The following MAPRE2 variants were observed in gnomAD, a reference collection of about 807,000 sequenced individuals.
MAPRE2 encodes microtubule associated protein RP/EB family member 2.
Under a neutral mutation model 43.2 loss-of-function variants are expected in MAPRE2, and 13 were observed. The ratio of observed to expected loss-of-function variants is 0.30; its 90% CI spans 0.20 to 0.48. The LOEUF (loss-of-function observed/expected upper bound fraction) is 0.48. MAPRE2 is among the 20% of genes least tolerant of loss of function. The pLI, the probability that MAPRE2 is intolerant of heterozygous loss-of-function variation, is 0.99. For synonymous variants in MAPRE2, 135 were observed against 148.8 expected, an observed-to-expected ratio of 0.91 and a Z score of 0.68; for missense variants, 161 against 400.2, an observed-to-expected ratio of 0.40 and a Z score of 5.10.
At chr18:34,985,569 AATAT>A (rs2097020318) in intron 1 of MAPRE2, among the ~76,000 whole-genome samples, 1 of 73,344 alleles carries the variant, frequency 1.4e-5, no homozygotes, top group Non-Finnish European at 2.5e-5. Flanking sequence ...TTATAAATAT[AATAT>A]ATAAACTATA....
At chr18:35,139,246 G>C (rs1457370930) in intron 6 of MAPRE2, among the ~76,000 whole-genome samples, 3 of 152,188 alleles carry the variant, frequency 2.0e-5, no homozygotes, top group Non-Finnish European at 4.4e-5. Flanking sequence ...GGGAGCCAGC[G>C]TGCCAGGTGT....
chr18:35,114,168 T>A (rs1909305022), intron 4 of MAPRE2, among the ~76,000 whole-genome samples: 1 of 152,158 alleles, frequency 6.6e-6, no homozygotes, highest in Non-Finnish European at 1.5e-5. Context: ...TTATATTGCG[T>A]CTCTCATATG....
chr18:35,027,764 T>C (rs1478898895), intron 2 of MAPRE2, among the ~76,000 whole-genome samples: 2 of 152,354 alleles, frequency 1.3e-5, no homozygotes, highest in African/African-American at 4.8e-5. Flanking sequence ...CATTATGGTT[T>C]TGTGGACCAG....
At position 35,100,991 on chromosome 18, in the gene MAPRE2, A is replaced by G. The variant is rs554883104; in HGVS notation, c.397-955A>G. ...GAGGCGGAGGTTGCAGTCAGCCGAG[A>G]TCGTGCCATTGCACTCCATCCTGGG... On this transcript the variant is annotated intron_variant, in intron 3 of 6. Coordinates refer to ENST00000300249, the MANE Select transcript of MAPRE2 (RefSeq NM_014268.4). Among the ~76,000 whole-genome samples the G allele has an allele frequency of 9.6e-4, 146 of 152,350 alleles. 1 individual carries two copies. The highest frequency in any genetic ancestry group is 3.0e-3 in the African/African-American group (123 of 41,586).
rs777649319 is a variant in MAPRE2 at position 35,082,289 on chromosome 18, C to CAAAAAAAAAAAAAAA, written c.250+11976_250+11990dup. On this transcript the variant is annotated intron_variant, in intron 2 of 6. Coordinates refer to ENST00000300249, the MANE Select transcript of MAPRE2 (RefSeq NM_014268.4). ...TGGGCGACAGAGCGAGACTCCGTCT[C>CAAAAAAAAAAAAAAA]AAAAAAAAAAAAAAAAAAAAAAATA... The CAAAAAAAAAAAAAAA allele has an allele frequency of 6.9e-5, 2 of 28,828 alleles. 1 individual carries two copies. Among genetic ancestry groups the CAAAAAAAAAAAAAAA allele is most frequent in the African/African-American group, 8.1e-4 (2 of 2,472 alleles). The allele number at this position is 28,828 out of a possible 1,614,324, so 1.8% of individuals were successfully genotyped here. A position where few individuals can be genotyped will look rare whatever the true frequency, so the allele number is the denominator to read the frequency against.
At chr18:35,051,110 G>A (rs983143477) in intron 1 of MAPRE2, among the ~76,000 whole-genome samples, 10 of 152,126 alleles carry the variant, frequency 6.6e-5, no homozygotes, top group African/African-American at 2.4e-4. Context: ...GACAGTGAGG[G>A]TTTCTTGGGG....
chr18:35,079,048 A>T (rs897212958), intron 2 of MAPRE2, among the ~76,000 whole-genome samples: 2 of 152,164 alleles, frequency 1.3e-5, no homozygotes, highest in Admixed American at 6.5e-5. Context: ...CCATGGAGGA[A>T]CTTTGCAGCT....
chr18:35,040,706 G>T (rs982317527), upstream of MAPRE2, among the ~76,000 whole-genome samples: 1 of 152,198 alleles, frequency 6.6e-6, no homozygotes, highest in Non-Finnish European at 1.5e-5. Flanking sequence ...TAAAGAATTT[G>T]AATTGGAGGG....
intron 4 of MAPRE2, among the ~76,000 whole-genome samples, chr18:35,121,894 A>G (rs2144225998): frequency 6.6e-6 from 1 of 152,172 alleles, no homozygotes; most frequent in South Asian, 2.1e-4. Flanking sequence ...AGCTCACATA[A>G]AAGTATTCTA....
intron 1 of MAPRE2, among the ~76,000 whole-genome samples, chr18:35,055,535 C>CTGTGTGTGTGTGTGTG (rs1321118157): frequency 1.8e-4 from 11 of 60,224 alleles, no homozygotes; most frequent in African/African-American, 9.0e-4. Flanking sequence ...CTATTCAGTT[C>CTGTGTGTGTGTGTGTG]TCTGTGTGTG....
intron 2 of MAPRE2, among the ~76,000 whole-genome samples, chr18:35,012,038 C>A (rs1202421287): frequency 6.6e-6 from 1 of 151,984 alleles, no homozygotes; most frequent in Non-Finnish European, 1.5e-5. Context: ...TCAGTGGGAT[C>A]CCTGGGAGCC....
intron 2 of MAPRE2, 76 bp downstream of exon 2, chr18:35,070,398 C>G: frequency 1.5e-6 from 2 of 1,322,138 alleles, no homozygotes; most frequent in Non-Finnish European, 2.0e-6. Flanking sequence ...TGAACCACAG[C>G]TGCTATATTT....
At position 34,985,301 on chromosome 18, in the gene MAPRE2, ATTGT is replaced by A. The variant is rs374242041; in HGVS notation, c.-70+8223_-70+8226del. ...TAATATATTATATATTATATTATAT[ATTGT>A]ATATATTATATTATATATATAATAT... On this transcript the variant is annotated intron_variant, in intron 1 of 7. Coordinates refer to the MAPRE2 transcript ENST00000413393. Among the ~76,000 whole-genome samples, 36 of 37,774 alleles carry A rather than the reference ATTGT, an allele frequency of 9.5e-4. 1 individual carries two copies. Among genetic ancestry groups the A allele is most frequent in the African/African-American group, 2.2e-3 (19 of 8,538 alleles). 24.8% of individuals were successfully genotyped at this position (37,774 alleles called of 152,430 possible). A position where few individuals can be genotyped will look rare whatever the true frequency, so the allele number is the denominator to read the frequency against.
chr18:35,039,470 A>T (rs1208661387), upstream of MAPRE2, among the ~76,000 whole-genome samples: 1 of 152,234 alleles, frequency 6.6e-6, no homozygotes, highest in Non-Finnish European at 1.5e-5. Flanking sequence ...ATAAGAAAAA[A>T]AATCTTATGT....
intron 2 of MAPRE2, among the ~76,000 whole-genome samples, chr18:35,026,625 T>C (rs1003338142): frequency 3.3e-5 from 5 of 152,144 alleles, no homozygotes; most frequent in Admixed American, 6.5e-5. Context: ...GTTTGTTCTT[T>C]CTCCCTCCCC....
chr18:35,041,843 G>A, intron 1 of MAPRE2, 182 bp downstream of exon 1: 1 of 1,412,074 alleles, frequency 7.1e-7, no homozygotes, highest in Non-Finnish European at 9.3e-7. Context: ...TTGAGGCTCC[G>A]CGACTGCAGA....
chr18:35,018,393 T>C (rs2097039785), intron 2 of MAPRE2, among the ~76,000 whole-genome samples: 1 of 152,042 alleles, frequency 6.6e-6, no homozygotes, highest in African/African-American at 2.4e-5. Flanking sequence ...CCAGTTCTTC[T>C]TTGTATATCT....
rs565653557 is a variant in MAPRE2 at position 35,046,015 on chromosome 18, T to C, written c.122+4354T>C. On this transcript the variant is annotated intron_variant, in intron 1 of 6. Transcript: ENST00000300249. ...CTCTGTAGCTGGTATCTGTTGACAG[T>C]GCATTATCTTAGAGCAGTGCTGTGA... Among the ~76,000 whole-genome samples, 370 of 152,326 alleles carry C rather than the reference T, an allele frequency of 2.4e-3. 2 individuals carry two copies. The highest frequency in any genetic ancestry group is 4.5e-3 in the Non-Finnish European group (303 of 68,028).
intron 1 of MAPRE2, among the ~76,000 whole-genome samples, chr18:35,048,637 CTA>C (rs1905768650): frequency 1.3e-5 from 2 of 148,166 alleles, no homozygotes; most frequent in South Asian, 2.1e-4. Flanking sequence ...AACACATATA[CTA>C]TATGTGTATA....
Sources: allele counts gnomAD v4.1 joint callset (sites outside exome capture counted in the v4.1 genomes callset), GRCh38; gene constraint gnomAD v4.1.1; transcripts MANE v1.5; gene names NCBI Gene and HGNC (gene_info 2026-07-23, HGNC 2026-07-21).